HDAC4: variants seen among roughly 807,000 people sequenced by gnomAD.
HDAC4 encodes histone deacetylase A.
A neutral mutation model predicts 135.1 loss-of-function variants in HDAC4; 16 were observed. The observed-to-expected ratio is 0.12, with a 90% CI of 0.08 to 0.18. The LOEUF is 0.18. Among genes scored for constraint, HDAC4 ranks in the 10% least tolerant of loss-of-function variants. The pLI is 1.00. For missense variants in HDAC4, 1,143 were observed against 1,511.8 expected, an observed-to-expected ratio of 0.76 and a Z score of 4.05; for synonymous variants, 685 against 653.4, an observed-to-expected ratio of 1.05 and a Z score of -0.74.
intron 1 of HDAC4, among the ~76,000 whole-genome samples, chr2:239,363,881 G>T (rs1694008399): frequency 6.6e-6 from 1 of 152,160 alleles, no homozygotes; most frequent in Admixed American, 6.5e-5. Flanking sequence ...TAAGAAAAAG[G>T]CAGACAACCT....
chr2:239,254,324 C>T (rs1285491456), intron 2 of HDAC4, among the ~76,000 whole-genome samples: 1 of 151,826 alleles, frequency 6.6e-6, no homozygotes, highest in Non-Finnish European at 1.5e-5. Flanking sequence ...AAACAACCCA[C>T]CATGTGGGAA....
chr2:239,280,105 A>G (rs1286164073), intron 2 of HDAC4, among the ~76,000 whole-genome samples: 2 of 152,042 alleles, frequency 1.3e-5, no homozygotes, highest in Non-Finnish European at 2.9e-5. Context: ...TGCTGATGAA[A>G]TCTCCTTATG....
intron 4 of HDAC4, among the ~76,000 whole-genome samples, chr2:239,177,126 G>A (rs1249703949): frequency 6.6e-6 from 1 of 152,204 alleles, no homozygotes; most frequent in Non-Finnish European, 1.5e-5. Context: ...GTTCATCAAA[G>A]AGAATACCAC....
At chr2:239,346,409 T>C (rs1692673816) in intron 2 of HDAC4, among the ~76,000 whole-genome samples, 2 of 141,698 alleles carry the variant, frequency 1.4e-5, no homozygotes, top group South Asian at 2.3e-4. Flanking sequence ...TTTTAACACA[T>C]AGTCTAGGAC....
chr2:239,309,648 G>A lies in HDAC4; in HGVS notation c.22+43030C>T, dbSNP rs1393892668. Among the ~76,000 whole-genome samples the A allele has an allele frequency of 6.6e-6, 1 of 152,266 alleles. No homozygotes were observed. The highest frequency in any genetic ancestry group is 1.5e-5 in the Non-Finnish European group (1 of 68,050). On this transcript the variant is annotated intron_variant, in intron 2 of 26. Coordinates refer to ENST00000543185, the MANE Select transcript of HDAC4 (RefSeq NM_001378414.1). This position sits in a 1 kb window ranked among gnomAD's most constrained non-coding sequence, Gnocchi z 4.2. ...GGGCCAGCGAGGGGCCCAGGGAGAA[G>A]ATGGAGGTCAAGTCATAGGGCCTCC...
chr2:239,128,416 C>T lies in HDAC4; in HGVS notation c.1295-1722G>A, dbSNP rs1204442026. ...TGGTGGCACATGCCTGTAATCGCAG[C>T]TACTCAGGAGGCTGAGGCAGAAGAA... is the stretch of plus-strand genomic sequence containing the variant. On this transcript the variant is annotated intron_variant, in intron 11 of 26. Transcript: ENST00000543185. Among the ~76,000 whole-genome samples, 6 of 152,012 alleles carry T rather than the reference C, an allele frequency of 3.9e-5. No homozygotes were observed. The South Asian group carries it at 1.0e-3, about 26-fold the overall frequency.
chr2:239,144,032 T>G (rs947885602), intron 8 of HDAC4, among the ~76,000 whole-genome samples: 1 of 152,030 alleles, frequency 6.6e-6, no homozygotes, highest in Non-Finnish European at 1.5e-5. Context: ...GATGGGGGTC[T>G]GCTCGGTCTT....
Position 239,308,113 on chromosome 2 carries a change from C to A in HDAC4, c.22+44565G>T, listed in dbSNP as rs2052696179. Among the ~76,000 whole-genome samples the A allele has an allele frequency of 6.6e-6, 1 of 152,200 alleles. No homozygotes were observed. Among genetic ancestry groups the A allele is most frequent in the Non-Finnish European group, 1.5e-5 (1 of 68,034 alleles). On this transcript the variant is annotated intron_variant, in intron 2 of 26. Transcript: ENST00000543185. The surrounding 1 kb of genome is among the most constrained non-coding windows in gnomAD (Gnocchi z 4.2). ...CCCTCTCTGGGCCTTGTCACTCACC[C>A]TTCCTACACCCCATCACTCACCCTC...
At chr2:239,175,030 A>G (rs1223352069) in intron 5 of HDAC4, among the ~76,000 whole-genome samples, 1 of 152,212 alleles carries the variant, frequency 6.6e-6, no homozygotes, top group Non-Finnish European at 1.5e-5. Context: ...CCAGCCCTAC[A>G]AGAGTAAATC....
At chr2:239,377,443 T>G (rs1182300387) in intron 1 of HDAC4, among the ~76,000 whole-genome samples, 1 of 152,214 alleles carries the variant, frequency 6.6e-6, no homozygotes, top group African/African-American at 2.4e-5. Flanking sequence ...CCCCGACGCC[T>G]GCATCCTCTC....
intron 24 of HDAC4, among the ~76,000 whole-genome samples, chr2:239,061,132 CTGAGTG>C (rs2032639807): frequency 6.7e-6 from 1 of 149,464 alleles, no homozygotes; most frequent in Non-Finnish European, 1.5e-5. Flanking sequence ...GGGAGTGTGA[CTGAGTG>C]TGAGTGTGTG....
In HDAC4 at chr2:239,236,605, T is replaced by C. The variant is rs1443312181; in HGVS notation, c.82A>G (p.Met28Val). Residue 28 changes from methionine to valine, a missense_variant, in exon 3 of 27, where the codon ATG becomes GTG. By Grantham distance (21) the Met-to-Val change is conservative. Coordinates refer to ENST00000543185, the MANE Select transcript of HDAC4 (RefSeq NM_001378414.1). ...TGGGCGGACTTACCCGTGCTGGGCA[T>C]GTGGTTCACGCGGGCAGGATTCAGC... ...ELLNPARVNH[M>V]PSTVDVATAL... 5 of 1,551,732 alleles carry C rather than the reference T, an allele frequency of 3.2e-6. No homozygotes were observed. The East Asian group carries it at 9.8e-5, about 30-fold the overall frequency.
intron 22 of HDAC4, among the ~76,000 whole-genome samples, chr2:239,079,302 G>A (rs2035065090): frequency 6.6e-6 from 1 of 152,252 alleles, no homozygotes; most frequent in South Asian, 2.1e-4. Context: ...AAACCGATGA[G>A]ATCAGGGGAA....
chr2:239,148,516 C>T (rs1288817783), intron 7 of HDAC4, among the ~76,000 whole-genome samples: 1 of 152,192 alleles, frequency 6.6e-6, no homozygotes, highest in Non-Finnish European at 1.5e-5. Context: ...GGGACAAAGG[C>T]TCGGCCTTGA....
chr2:239,242,604 C>T (rs1351115859), intron 2 of HDAC4, among the ~76,000 whole-genome samples: 1 of 152,174 alleles, frequency 6.6e-6, no homozygotes, highest in Non-Finnish European at 1.5e-5. Context: ...ACAGTTGTTT[C>T]CACCTTCCAG....
At chr2:239,292,030 C>G (rs928988280) in intron 2 of HDAC4, among the ~76,000 whole-genome samples, 1 of 152,010 alleles carries the variant, frequency 6.6e-6, no homozygotes, top group African/African-American at 2.4e-5. Flanking sequence ...CACGGCCCAG[C>G]TCGGCCCAGC....
intron 11 of HDAC4, among the ~76,000 whole-genome samples, chr2:239,132,789 T>C (rs1039652681): frequency 2.0e-5 from 3 of 152,180 alleles, no homozygotes; most frequent in African/African-American, 7.2e-5. Context: ...AGAAGATAAG[T>C]GACAAACATC....
At chr2:239,391,147 G>T (rs111509021) in intron 1 of HDAC4, among the ~76,000 whole-genome samples, 2 of 152,210 alleles carry the variant, frequency 1.3e-5, no homozygotes, top group Non-Finnish European at 2.9e-5. Flanking sequence ...CCACCATCAC[G>T]AGCCGGGCTC....
intron 11 of HDAC4, 93 bp from the exon 12 acceptor site, chr2:239,126,787 C>A: frequency 7.3e-7 from 1 of 1,366,526 alleles, no homozygotes; most frequent in Non-Finnish European, 1.0e-6. Flanking sequence ...GACAACTGCG[C>A]CCTGTGCCCG....
Sources: allele counts gnomAD v4.1 joint callset (sites outside exome capture counted in the v4.1 genomes callset), GRCh38; gene constraint gnomAD v4.1.1; non-coding constraint Gnocchi (gnomAD v3.1); transcripts MANE v1.5; gene names NCBI Gene and HGNC (gene_info 2026-07-23, HGNC 2026-07-21).